SKAP2: variants seen among roughly 807,000 people sequenced by gnomAD.
The protein encoded by SKAP2 is src kinase-associated phosphoprotein 2.
In SKAP2, 28 loss-of-function variants were observed where a neutral mutation model predicts 54.9. The observed-to-expected ratio is 0.51, with a 90% CI of 0.38 to 0.70. The LOEUF (loss-of-function observed/expected upper bound fraction) is 0.70. Among genes scored for constraint, SKAP2 ranks in the 30% least tolerant of loss-of-function variants. SKAP2 has a pLI of 0.00. For synonymous variants in SKAP2, 137 were observed against 134.3 expected (o/e 1.02, Z -0.14); for missense variants, 356 against 424.1 (o/e 0.84, Z 1.41).
intron 9 of SKAP2, among the ~76,000 whole-genome samples, chr7:26,691,388 G>C (rs1786776249): frequency 6.6e-6 from 1 of 151,908 alleles, no homozygotes; most frequent in African/African-American, 2.4e-5. Flanking sequence ...TAAACAAATG[G>C]CATGCCAAAG....
chr7:26,660,776 G>A, the SKAP2 span, among the ~76,000 whole-genome samples: 2 of 151,990 alleles, frequency 1.3e-5, no homozygotes, highest in African/African-American at 2.4e-5. Context: ...GTGGTAACAG[G>A]TACACAATGT....
intron 4 of SKAP2, among the ~76,000 whole-genome samples, chr7:26,830,339 A>G (rs1340887247): frequency 6.6e-6 from 1 of 152,150 alleles, no homozygotes. Flanking sequence ...GATTATACTT[A>G]CATAATTCTG....
intron 4 of SKAP2, among the ~76,000 whole-genome samples, chr7:26,755,902 C>T: frequency 6.6e-6 from 1 of 152,004 alleles, no homozygotes; most frequent in African/African-American, 2.4e-5. Flanking sequence ...TTGACAATAC[C>T]CTGATAATTC....
At chr7:26,799,810 T>C (rs891556749) in intron 4 of SKAP2, among the ~76,000 whole-genome samples, 1 of 152,150 alleles carries the variant, frequency 6.6e-6, no homozygotes, top group African/African-American at 2.4e-5. Flanking sequence ...ATATGTCAGG[T>C]CACAAAACAA....
At chr7:26,692,806 G>GT (rs1455888873) in intron 9 of SKAP2, among the ~76,000 whole-genome samples, 1 of 152,086 alleles carries the variant, frequency 6.6e-6, no homozygotes, top group Admixed American at 6.6e-5. Flanking sequence ...TAGAAGGAAC[G>GT]TTTACAGTCA....
In SKAP2 at chr7:26,727,989, T is replaced by C. The variant is rs953969600; in HGVS notation, c.470-983A>G. On this transcript the variant is annotated intron_variant, in intron 6 of 12. Transcript: ENST00000345317. ...CTCAGTTCAGTGTACCAATAAAAGA[T>C]ACATCTCCTTTTCTTAAATACACAA... Among the ~76,000 whole-genome samples, 9 of 152,266 alleles carry C rather than the reference T, an allele frequency of 5.9e-5. No individual in the cohort carries two copies. In the South Asian group the frequency reaches 1.0e-3, roughly 18 times the overall value.
At chr7:26,679,491 A>G (rs981358062) in intron 11 of SKAP2, among the ~76,000 whole-genome samples, 3 of 152,208 alleles carry the variant, frequency 2.0e-5, no homozygotes, top group African/African-American at 7.2e-5. Flanking sequence ...GACAGCATAC[A>G]AACTAAATGT....
chr7:26,654,974 T>C, the SKAP2 span, among the ~76,000 whole-genome samples: 1 of 152,180 alleles, frequency 6.6e-6, no homozygotes, highest in Non-Finnish European at 1.5e-5. Context: ...GGTCCCCAGG[T>C]GTATCAGATG....
At chr7:26,723,328 G>A (rs546826659) in intron 9 of SKAP2, among the ~76,000 whole-genome samples, 2 of 152,212 alleles carry the variant, frequency 1.3e-5, no homozygotes, top group African/African-American at 4.8e-5. Context: ...CAGTTACATT[G>A]GGGAAGAAGG....
intron 4 of SKAP2, among the ~76,000 whole-genome samples, chr7:26,768,978 G>A (rs6461968): frequency 0.94 from 143,610 of 152,146 alleles, 67,970 homozygotes; most frequent in Middle Eastern, 0.99. Flanking sequence ...TGTTCTATGT[G>A]TTTCCTGAAT....
At chr7:26,772,134 AGAAG>A (rs1272881123) in intron 4 of SKAP2, among the ~76,000 whole-genome samples, 1 of 152,238 alleles carries the variant, frequency 6.6e-6, no homozygotes, top group African/African-American at 2.4e-5. Flanking sequence ...TTTTTCCCTC[AGAAG>A]GAAATAAAAC....
At chr7:26,707,180 T>G (rs1004981794) in intron 9 of SKAP2, among the ~76,000 whole-genome samples, 2 of 151,874 alleles carry the variant, frequency 1.3e-5, no homozygotes, top group Non-Finnish European at 2.9e-5. Context: ...GGCAACATAG[T>G]GAAATCTTGT....
At chr7:26,832,619 G>C (rs1426999278) in intron 4 of SKAP2, among the ~76,000 whole-genome samples, 1 of 152,044 alleles carries the variant, frequency 6.6e-6, no homozygotes, top group Admixed American at 6.6e-5. Context: ...TTCAAGGCCA[G>C]CCTGAGCAAC....
At chr7:26,737,556 A>T (rs751208148) in intron 6 of SKAP2, among the ~76,000 whole-genome samples, 27 of 152,226 alleles carry the variant, frequency 1.8e-4, no homozygotes, top group Non-Finnish European at 3.1e-4. Context: ...AACTCTAAAA[A>T]CTATAAATAA....
At chr7:26,709,640 C>T (rs1314937538) in intron 9 of SKAP2, among the ~76,000 whole-genome samples, 1 of 152,130 alleles carries the variant, frequency 6.6e-6, no homozygotes, top group African/African-American at 2.4e-5. Flanking sequence ...ATAAAATGTA[C>T]CATTTGCTTA....
At chr7:26,698,381 T>C (rs1031879608) in intron 9 of SKAP2, among the ~76,000 whole-genome samples, 4 of 152,138 alleles carry the variant, frequency 2.6e-5, no homozygotes, top group Admixed American at 2.0e-4. Flanking sequence ...ACTAAGACAT[T>C]ATGTGTCTTT....
chr7:26,796,202 A>C (rs918269429), intron 4 of SKAP2, among the ~76,000 whole-genome samples: 6 of 152,230 alleles, frequency 3.9e-5, no homozygotes, highest in Admixed American at 3.9e-4. Flanking sequence ...ACAAATGATA[A>C]TGTAGTATTA....
At chr7:26,816,104 C>A (rs1162396831) in intron 4 of SKAP2, among the ~76,000 whole-genome samples, 1 of 152,068 alleles carries the variant, frequency 6.6e-6, no homozygotes, top group Non-Finnish European at 1.5e-5. Flanking sequence ...AACACGTTTT[C>A]TAACAAATGT....
chr7:26,739,846 T>C (rs368638544), intron 5 of SKAP2, 41 bp downstream of exon 5: 1 of 1,392,192 alleles, frequency 7.2e-7, no homozygotes, highest in African/African-American at 1.4e-5. Flanking sequence ...TATCTAAGGA[T>C]GAAATTATTT....
Sources: allele counts gnomAD v4.1 joint callset (sites outside exome capture counted in the v4.1 genomes callset), GRCh38; gene constraint gnomAD v4.1.1; transcripts MANE v1.5; gene names NCBI Gene and HGNC (gene_info 2026-07-23, HGNC 2026-07-21).